Variants in CCDC170 observed in about 807,000 individuals in gnomAD.
The protein encoded by CCDC170 is coiled-coil domain containing 170.
CCDC170 carries 69 observed loss-of-function variants against 72.6 expected under a neutral mutation model. That is an observed-to-expected ratio of 0.95 (90% confidence interval 0.78 to 1.16). CCDC170 has a LOEUF of 1.16. CCDC170 is among the 50% of genes most tolerant of loss of function. CCDC170 has a pLI of 0.00. For missense variants in CCDC170, 852 were observed against 832.5 expected (o/e 1.02, Z -0.29); for synonymous variants, 300 against 303.9 (o/e 0.99, Z 0.13).
intron 1 of CCDC170, among the ~76,000 whole-genome samples, chr6:151,521,732 C>T (rs1782319332): frequency 6.6e-6 from 1 of 152,084 alleles, no homozygotes; most frequent in African/African-American, 2.4e-5. Context: ...GCCAGTAATC[C>T]CAGCACTTTG....
chr6:151,617,103 A>C (rs1331840500), intron 10 of CCDC170, among the ~76,000 whole-genome samples: 1 of 152,192 alleles, frequency 6.6e-6, no homozygotes, highest in Non-Finnish European at 1.5e-5. Flanking sequence ...AACTGTATTC[A>C]GTTTGGATCA....
chr6:151,572,974 C>T (rs527517217), intron 5 of CCDC170, among the ~76,000 whole-genome samples, 200 bp from the exon 6 acceptor site: 23 of 151,976 alleles, frequency 1.5e-4, no homozygotes, highest in Non-Finnish European at 3.1e-4. Context: ...TTTAAGACAC[C>T]TAAATTTTCC....
chr6:151,579,024 T>G (rs1208280776), intron 6 of CCDC170, among the ~76,000 whole-genome samples: 1 of 152,176 alleles, frequency 6.6e-6, no homozygotes, highest in African/African-American at 2.4e-5. Context: ...AACTATATTG[T>G]GCTTTTTGTT....
intron 9 of CCDC170, among the ~76,000 whole-genome samples, chr6:151,612,573 C>T (rs1308959801): frequency 1.3e-5 from 2 of 152,254 alleles, no homozygotes; most frequent in East Asian, 3.9e-4. Flanking sequence ...TTCCTGCAGC[C>T]TAGTTAGCAT....
chr6:151,496,118 A>G (rs977401309), intron 1 of CCDC170, among the ~76,000 whole-genome samples: 13 of 152,040 alleles, frequency 8.6e-5, no homozygotes, highest in Admixed American at 6.6e-4. Context: ...TGCAGAGTCC[A>G]GGTCATTCGT....
At chr6:151,532,047 T>C (rs1782497587) in intron 1 of CCDC170, among the ~76,000 whole-genome samples, 1 of 152,078 alleles carries the variant, frequency 6.6e-6, no homozygotes. Context: ...TATTAACCAA[T>C]GCAATTAGTC....
intron 1 of CCDC170, among the ~76,000 whole-genome samples, chr6:151,527,930 A>C (rs1782436548): frequency 6.6e-6 from 1 of 152,178 alleles, no homozygotes; most frequent in African/African-American, 2.4e-5. Flanking sequence ...AGACAACTAA[A>C]TACCATAGTA....
At position 151,512,456 on chromosome 6, in the gene CCDC170, G is replaced by A. The variant is rs186289527; in HGVS notation, c.57+18271G>A. 3.0e-3 allele frequency among the ~76,000 whole-genome samples: 462 copies of A among 152,146 alleles called. 1 individual carries two copies. The highest frequency in any genetic ancestry group is 0.01 in the African/African-American group (427 of 41,522). ...ATTACAGGCATAAGCCACTGCACCCGGACCCAGTAGTATATCATTTTAAAA... is the reference window on the plus strand; with the variant it reads ...ATTACAGGCATAAGCCACTGCACCCAGACCCAGTAGTATATCATTTTAAAA... On this transcript the variant is annotated intron_variant, in intron 1 of 10. Transcript: ENST00000239374.
In CCDC170 at chr6:151,575,530, T is replaced by TC. The variant is rs1336537088; in HGVS notation, c.1092+2039_1092+2040insC. Among the ~76,000 whole-genome samples, 8 of 111,144 alleles carry TC rather than the reference T, an allele frequency of 7.2e-5. 1 individual carries two copies. The South Asian group carries it at 1.8e-3, about 25-fold the overall frequency. The allele number at this position is 111,144 out of a possible 152,430, so 72.9% of individuals were successfully genotyped here. A position where few individuals can be genotyped will look rare whatever the true frequency, so the allele number is the denominator to read the frequency against. On this transcript the variant is annotated intron_variant, in intron 6 of 10. Transcript: ENST00000239374. Reference sequence around the variant, plus strand: ...CATTTTCTTTTCTTTTCTTTCTTTTTTTTTTTTTTTTTTTTTTGAGATGGA... The same window carrying TC: ...CATTTTCTTTTCTTTTCTTTCTTTTTCTTTTTTTTTTTTTTTTTGAGATGGA...
At chr6:151,563,304 G>T (rs1172447070) in intron 5 of CCDC170, among the ~76,000 whole-genome samples, 1 of 152,174 alleles carries the variant, frequency 6.6e-6, no homozygotes, top group East Asian at 1.9e-4. Context: ...CTGCATAAGT[G>T]GGGTGGAGAT....
chr6:151,559,317 C>T (rs1486748825), intron 5 of CCDC170, among the ~76,000 whole-genome samples: 1 of 152,016 alleles, frequency 6.6e-6, no homozygotes, highest in African/African-American at 2.4e-5. Flanking sequence ...CAGCCAACAA[C>T]ATTAATTATT....
At chr6:151,549,200 C>T (rs185503612) in intron 5 of CCDC170, among the ~76,000 whole-genome samples, 24 of 152,112 alleles carry the variant, frequency 1.6e-4, no homozygotes, top group Admixed American at 3.3e-4. Flanking sequence ...CCACCACGGC[C>T]GGTCTAATTT....
At chr6:151,573,748 C>T (rs1294232621) in intron 6 of CCDC170, among the ~76,000 whole-genome samples, 1 of 152,102 alleles carries the variant, frequency 6.6e-6, no homozygotes, top group Non-Finnish European at 1.5e-5. Flanking sequence ...TGCAGGGGAA[C>T]TGCCCTTTAT....
At chr6:151,594,425 C>T (rs1438360852) in intron 8 of CCDC170, among the ~76,000 whole-genome samples, 1 of 152,188 alleles carries the variant, frequency 6.6e-6, no homozygotes, top group Non-Finnish European at 1.5e-5. Context: ...TTGGCTTCTT[C>T]TCCACTACCA....
chr6:151,533,306 G>A (rs1013943390), intron 1 of CCDC170, among the ~76,000 whole-genome samples: 6 of 151,574 alleles, frequency 4.0e-5, no homozygotes, highest in Non-Finnish European at 8.8e-5. Flanking sequence ...TGCCCGCCTT[G>A]GCCTCCCAAA....
In CCDC170 at chr6:151,555,126, C is replaced by T. The variant is rs1264100006; in HGVS notation, c.774+6637C>T. 3.3e-5 allele frequency among the ~76,000 whole-genome samples: 5 copies of T among 152,072 alleles called. No individual in the cohort carries two copies. In the South Asian group the frequency reaches 1.0e-3, roughly 32 times the overall value. On this transcript the variant is annotated intron_variant, in intron 5 of 10. Transcript: ENST00000239374. ...CTCGAACTCCTGACCTCGTGGTCCA[C>T]CTGCCTCGGCCTCCCAAAGTGCTGG...
At chr6:151,508,404 G>C (rs943432245) in intron 1 of CCDC170, among the ~76,000 whole-genome samples, 1 of 152,064 alleles carries the variant, frequency 6.6e-6, no homozygotes, top group Non-Finnish European at 1.5e-5. Context: ...AGGCATAGTG[G>C]GGGGGCGCCT....
chr6:151,594,106 T>G (rs1776585680), intron 8 of CCDC170, among the ~76,000 whole-genome samples: 1 of 152,220 alleles, frequency 6.6e-6, no homozygotes, highest in East Asian at 1.9e-4. Context: ...ATGAAAGGTA[T>G]AAAATATAAT....
intron 5 of CCDC170, among the ~76,000 whole-genome samples, chr6:151,558,699 G>A (rs544728875): frequency 2.9e-4 from 44 of 152,212 alleles, no homozygotes; most frequent in East Asian, 1.9e-3. Flanking sequence ...AAATCAGATG[G>A]CTATAATTAT....
Sources: gnomAD v4.1 joint callset for allele counts (sites outside exome capture counted in the v4.1 genomes callset) on GRCh38, gnomAD v4.1.1 for gene constraint, MANE v1.5 for transcripts, NCBI Gene and HGNC (gene_info 2026-07-23, HGNC 2026-07-21) for gene names.